Variants in STK33 observed in about 807,000 individuals in gnomAD.
STK33 encodes serine/threonine-protein kinase 33.
A neutral mutation model predicts 58.0 loss-of-function variants in STK33; 52 were observed. The ratio of observed to expected loss-of-function variants is 0.90; its 90% CI spans 0.72 to 1.13. The LOEUF (loss-of-function observed/expected upper bound fraction) is 1.13. Among genes scored for constraint, STK33 ranks in the 50% most tolerant of loss-of-function variants. STK33 has a pLI of 0.00. For synonymous variants in STK33, 215 were observed against 200.1 expected, an observed-to-expected ratio of 1.07 and a Z score of -0.63; for missense variants, 630 against 604.2, an observed-to-expected ratio of 1.04 and a Z score of -0.45.
chr11:8,556,753 G>T (rs139677415), intron 1 of STK33, among the ~76,000 whole-genome samples: 114 of 152,182 alleles, frequency 7.5e-4, no homozygotes, highest in African/African-American at 2.5e-3. Context: ...GACTGTGAGG[G>T]GAAAGACTGT....
the STK33 span, among the ~76,000 whole-genome samples, chr11:8,360,506 T>C: frequency 6.2e-4 from 95 of 152,368 alleles, no homozygotes; most frequent in African/African-American, 2.1e-3. Context: ...AAATTGGTGG[T>C]TTAAAACAAT....
At position 8,461,841 on chromosome 11, in the gene STK33, G is replaced by A. The variant is rs201902397; in HGVS notation, c.522C>T (p.His174=). The A allele has an allele frequency of 3.7e-5, 59 of 1,602,018 alleles. No homozygotes were observed. The highest frequency in any genetic ancestry group is 4.8e-5 in the Non-Finnish European group (56 of 1,175,494). ...VNILKSVKHE[H]IIHLEQVFET... ...CAAATACTTGTTCCAGATGTATGATGTGTTCATGTTTTACACTTTTCAGAA... is the reference window on the plus strand; with the variant it reads ...CAAATACTTGTTCCAGATGTATGATATGTTCATGTTTTACACTTTTCAGAA... Residue 174 remains histidine (H), a synonymous_variant, in exon 8 of 16, where the codon CAC becomes CAT. Coordinates refer to ENST00000687296, the MANE Select transcript of STK33 (RefSeq NM_001352389.2).
At chr11:8,390,100 C>T (rs535194595), downstream of STK33, among the ~76,000 whole-genome samples, 1 of 152,274 alleles carries the variant, frequency 6.6e-6, no homozygotes, top group South Asian at 2.1e-4. Context: ...TCCCCATTTT[C>T]CTTCCTTCTC....
In STK33 at chr11:8,588,667, G is replaced by T. The variant is rs955748730; in HGVS notation, c.-466+5416C>A. Among the ~76,000 whole-genome samples the T allele has an allele frequency of 2.6e-5, 4 of 152,056 alleles. No individual in the cohort carries two copies. In the East Asian group the frequency reaches 7.7e-4, roughly 29 times the overall value. ...ACCTAAACCAAATAAAAAATATATT[G>T]AACTTCATAAAATTAAAAATTTTTG... On this transcript the variant is annotated intron_variant, in intron 1 of 15. Transcript: ENST00000687296.
intron 6 of STK33, among the ~76,000 whole-genome samples, chr11:8,469,848 A>G (rs1948603924): frequency 6.6e-6 from 1 of 152,262 alleles, no homozygotes; most frequent in South Asian, 2.1e-4. Flanking sequence ...GAGCAGTAAT[A>G]TTTGGAAAGA....
intron 3 of STK33, among the ~76,000 whole-genome samples, chr11:8,477,032 T>A (rs1187445690): frequency 1.3e-5 from 2 of 151,758 alleles, no homozygotes; most frequent in Non-Finnish European, 1.5e-5. Flanking sequence ...GGGAAAAAAA[T>A]TTCTATTGTG....
the STK33 span, among the ~76,000 whole-genome samples, chr11:8,379,533 A>T: frequency 1.6e-4 from 24 of 152,350 alleles, 1 homozygote; most frequent in Middle Eastern, 0.024. Context: ...GCCAACAAAC[A>T]TGAAAAAATG....
chr11:8,375,568 G>A, the STK33 span, among the ~76,000 whole-genome samples: 1 of 152,162 alleles, frequency 6.6e-6, no homozygotes, highest in African/African-American at 2.4e-5. Context: ...TAGAATGTAG[G>A]CAGTTCACAC....
intron 1 of STK33, among the ~76,000 whole-genome samples, chr11:8,561,061 C>A (rs1957081029): frequency 6.6e-6 from 1 of 152,174 alleles, no homozygotes; most frequent in Admixed American, 6.5e-5. Context: ...AGAGCCTTTA[C>A]ATTTTCTTCT....
chr11:8,569,998 G>T (rs1163500835), intron 1 of STK33, among the ~76,000 whole-genome samples: 1 of 151,818 alleles, frequency 6.6e-6, no homozygotes, highest in East Asian at 1.9e-4. Flanking sequence ...GGCAAGCCAC[G>T]GACTGGGAGA....
rs1040681099 is a variant in STK33, at chr11:8,457,491, T to C, written c.559-12A>G. The C allele has an allele frequency of 7.0e-6, 11 of 1,571,468 alleles. No individual in the cohort carries two copies. The highest frequency in any genetic ancestry group is 1.2e-5 in the South Asian group (1 of 86,316). On this transcript the variant is annotated splice_polypyrimidine_tract_variant and intron_variant, in intron 8 of 15. Transcript: ENST00000687296. ...ACAAGGTACATTTTCTGACATTATATATATAAAAGAGAGAGAGAGCAAATT... is the reference window on the plus strand; with the variant it reads ...ACAAGGTACATTTTCTGACATTATACATATAAAAGAGAGAGAGAGCAAATT...
At chr11:8,411,261 T>C (rs1281422386) in intron 15 of STK33, among the ~76,000 whole-genome samples, 1 of 152,218 alleles carries the variant, frequency 6.6e-6, no homozygotes, top group Non-Finnish European at 1.5e-5. Context: ...CAGAATACCA[T>C]AACCAATGGT....
rs896735467 is a variant in STK33 at position 8,472,211 on chromosome 11, G to A, written c.339+952C>T. 4.6e-5 allele frequency among the ~76,000 whole-genome samples: 7 copies of A among 152,124 alleles called. No homozygotes were observed. In the East Asian group the frequency reaches 5.8e-4, roughly 13 times the overall value. On this transcript the variant is annotated intron_variant, in intron 6 of 15. Coordinates refer to ENST00000687296, the MANE Select transcript of STK33 (RefSeq NM_001352389.2). The stretch of plus-strand genomic sequence containing the variant: ...TTCAAAATGCTGAGATTACAGGCAT[G>A]AGCCATCATGCCTGGCCCAAGACTA...
At chr11:8,586,596 G>C (rs1047207591) in intron 1 of STK33, among the ~76,000 whole-genome samples, 1 of 152,032 alleles carries the variant, frequency 6.6e-6, no homozygotes, top group African/African-American at 2.4e-5. Flanking sequence ...GGCCAAGATG[G>C]GTGGATCACT....
At chr11:8,337,028 C>T in the STK33 span, among the ~76,000 whole-genome samples, 1 of 152,218 alleles carries the variant, frequency 6.6e-6, no homozygotes, top group Admixed American at 6.5e-5. Context: ...ATCAATGGGC[C>T]GAGGATGTGC....
chr11:8,387,403 TGACCTTGGACACAA>T (rs2134822729), downstream of STK33, among the ~76,000 whole-genome samples: 1 of 152,350 alleles, frequency 6.6e-6, no homozygotes, highest in African/African-American at 2.4e-5. Flanking sequence ...CTTAGCTGTG[TGACCTTGGACACAA>T]GACCTTGGAC....
intron 15 of STK33, among the ~76,000 whole-genome samples, chr11:8,410,435 G>T (rs976400550): frequency 2.7e-5 from 4 of 146,078 alleles, no homozygotes; most frequent in African/African-American, 7.5e-5. Flanking sequence ...TATCACAAAA[G>T]AAAATAATGG....
chr11:8,360,459 A>G, the STK33 span, among the ~76,000 whole-genome samples: 1 of 152,236 alleles, frequency 6.6e-6, no homozygotes, highest in Non-Finnish European at 1.5e-5. Flanking sequence ...GTCATGGCAT[A>G]TATTAGTCTT....
At chr11:8,414,035 G>A (rs1472957576) in intron 14 of STK33, among the ~76,000 whole-genome samples, 8 of 152,116 alleles carry the variant, frequency 5.3e-5, no homozygotes, top group Non-Finnish European at 7.4e-5. Context: ...TTGAGAGGGA[G>A]GCTGAAAGAA....
Sources: gnomAD v4.1 joint callset for allele counts (sites outside exome capture counted in the v4.1 genomes callset) on GRCh38, gnomAD v4.1.1 for gene constraint, MANE v1.5 for transcripts, NCBI Gene and HGNC (gene_info 2026-07-23, HGNC 2026-07-21) for gene names.